CTNNA2: variants seen among roughly 807,000 people sequenced by gnomAD.
CTNNA2 encodes the protein catenin alpha 2.
A neutral mutation model predicts 101.0 loss-of-function variants in CTNNA2; 42 were observed. That is an observed-to-expected ratio of 0.42 (90% CI 0.32 to 0.54). CTNNA2 has a LOEUF of 0.54. Among genes scored for constraint, CTNNA2 ranks in the 20% least tolerant of loss-of-function variants. The pLI is 0.14. For missense variants in CTNNA2, 871 were observed against 1,223.1 expected (o/e 0.71, Z 4.29); for synonymous variants, 450 against 456.4 (o/e 0.99, Z 0.18).
At chr2:80,238,417 A>G (rs2149086866) in intron 7 of CTNNA2, among the ~76,000 whole-genome samples, 1 of 152,342 alleles carries the variant, frequency 6.6e-6, no homozygotes, top group Non-Finnish European at 1.5e-5. Context: ...GGAATTAATT[A>G]GAAGCCCTTG....
At chr2:80,006,124 G>A (rs1693324319) in intron 7 of CTNNA2, among the ~76,000 whole-genome samples, 1 of 151,916 alleles carries the variant, frequency 6.6e-6, no homozygotes, top group Admixed American at 6.6e-5. Flanking sequence ...AATATTTAAG[G>A]AAAAACTTAT....
At chr2:79,274,357 T>A (rs887042366) in intron 2 of CTNNA2, among the ~76,000 whole-genome samples, 1 of 152,100 alleles carries the variant, frequency 6.6e-6, no homozygotes, top group African/African-American at 2.4e-5. Context: ...ACTTTTAGTC[T>A]GAGAATTTAC....
intron 4 of CTNNA2, among the ~76,000 whole-genome samples, chr2:79,459,382 G>C (rs930767959): frequency 5.3e-5 from 8 of 151,686 alleles, no homozygotes; most frequent in African/African-American, 1.9e-4. Flanking sequence ...TGCAAGTATT[G>C]TAAGTAAAAA....
chr2:79,581,495 G>A (rs1036539544), intron 1 of CTNNA2, among the ~76,000 whole-genome samples: 4 of 151,924 alleles, frequency 2.6e-5, no homozygotes, highest in Non-Finnish European at 5.9e-5. Context: ...ACTGTACTCC[G>A]GCCTGGAGGA....
chr2:80,564,948 A>G (rs1461446839), intron 12 of CTNNA2, among the ~76,000 whole-genome samples: 1 of 152,234 alleles, frequency 6.6e-6, no homozygotes, highest in East Asian at 1.9e-4. Flanking sequence ...ATTTAGAGAA[A>G]GTATGTAAGG....
At chr2:79,422,773 T>C (rs1678552800) in intron 4 of CTNNA2, among the ~76,000 whole-genome samples, 1 of 152,184 alleles carries the variant, frequency 6.6e-6, no homozygotes, top group African/African-American at 2.4e-5. Flanking sequence ...AAGTACTTGT[T>C]ATGTAAAAGT....
intron 7 of CTNNA2, among the ~76,000 whole-genome samples, chr2:80,232,551 A>G (rs73938246): frequency 3.7e-4 from 56 of 151,952 alleles, no homozygotes; most frequent in African/African-American, 1.2e-3. Flanking sequence ...TGAATCTGAT[A>G]CAGAAATTAT....
chr2:79,401,102 C>T (rs1419817425), intron 4 of CTNNA2, among the ~76,000 whole-genome samples: 1 of 151,638 alleles, frequency 6.6e-6, no homozygotes, highest in Non-Finnish European at 1.5e-5. Flanking sequence ...ATCCCTAGGG[C>T]TAATATGAAA....
At chr2:79,251,269 C>T (rs1179602096) in intron 2 of CTNNA2, among the ~76,000 whole-genome samples, 3 of 152,148 alleles carry the variant, frequency 2.0e-5, no homozygotes, top group Non-Finnish European at 4.4e-5. Context: ...GTTACTGATC[C>T]ATGATTCAAA....
At chr2:79,811,246 T>A (rs1474716776) in intron 3 of CTNNA2, among the ~76,000 whole-genome samples, 1 of 152,172 alleles carries the variant, frequency 6.6e-6, no homozygotes, top group African/African-American at 2.4e-5. Context: ...GGTATCTCAT[T>A]GTGGTTTTGA....
At chr2:79,947,613 C>G (rs1263840443) in intron 7 of CTNNA2, among the ~76,000 whole-genome samples, 1 of 152,124 alleles carries the variant, frequency 6.6e-6, no homozygotes, top group Non-Finnish European at 1.5e-5. Flanking sequence ...AAATAAGTTA[C>G]TACAATAAGC....
chr2:79,911,082 A>G (rs1448581682), intron 7 of CTNNA2, among the ~76,000 whole-genome samples: 4 of 152,206 alleles, frequency 2.6e-5, no homozygotes, highest in South Asian at 2.1e-4. Flanking sequence ...GGACGTCTCT[A>G]TAGGACCCTG....
intron 7 of CTNNA2, among the ~76,000 whole-genome samples, chr2:80,016,253 C>G (rs1694135289): frequency 6.6e-6 from 1 of 152,108 alleles, no homozygotes; most frequent in African/African-American, 2.4e-5. Flanking sequence ...TGGGCTTGGC[C>G]CTGAGATAAC....
At chr2:79,731,495 G>A (rs1427877263) in intron 2 of CTNNA2, among the ~76,000 whole-genome samples, 1 of 152,106 alleles carries the variant, frequency 6.6e-6, no homozygotes, top group East Asian at 1.9e-4. Flanking sequence ...TAAAAGACAA[G>A]GAGATGTGAT....
At chr2:79,532,921 G>C (rs202143742) in intron 1 of CTNNA2, among the ~76,000 whole-genome samples, 3 of 152,128 alleles carry the variant, frequency 2.0e-5, no homozygotes, top group East Asian at 3.9e-4. Context: ...CAAGCTCATA[G>C]CTCCCATTCC....
intron 7 of CTNNA2, among the ~76,000 whole-genome samples, chr2:79,955,811 CG>C (rs1385299771): frequency 6.6e-6 from 1 of 152,168 alleles, no homozygotes; most frequent in Non-Finnish European, 1.5e-5. Context: ...CCACCACACT[CG>C]GCCCCCAGGG....
chr2:80,637,398 C>T (rs1261784298), intron 18 of CTNNA2, among the ~76,000 whole-genome samples: 1 of 152,126 alleles, frequency 6.6e-6, no homozygotes, highest in Non-Finnish European at 1.5e-5. Context: ...AAGGTTTGAA[C>T]TCAGGCTTTA....
At chr2:79,467,461 T>C (rs1414964385) in intron 4 of CTNNA2, among the ~76,000 whole-genome samples, 2 of 152,174 alleles carry the variant, frequency 1.3e-5, no homozygotes, top group Non-Finnish European at 2.9e-5. Context: ...CTGCAGGATA[T>C]TATCCAGGAG....
At chr2:80,620,986 C>A (rs1275785644) in intron 18 of CTNNA2, among the ~76,000 whole-genome samples, 1 of 151,888 alleles carries the variant, frequency 6.6e-6, no homozygotes, top group Non-Finnish European at 1.5e-5. Context: ...TTTTTAAATT[C>A]ATTTCGTATG....
Sources: gnomAD v4.1 joint callset for allele counts (sites outside exome capture counted in the v4.1 genomes callset) on GRCh38, gnomAD v4.1.1 for gene constraint, MANE v1.5 for transcripts, NCBI Gene and HGNC (gene_info 2026-07-23, HGNC 2026-07-21) for gene names.